Variants in CCAR1 observed in about 807,000 individuals in gnomAD.
CCAR1 encodes cell division cycle and apoptosis regulator protein 1.
Under a neutral mutation model 163.8 loss-of-function variants are expected in CCAR1, and 78 were observed. The ratio of observed to expected loss-of-function variants is 0.48; its 90% confidence interval spans 0.40 to 0.57. The LOEUF is 0.57. Ranked by LOEUF, CCAR1 falls within the 20% of genes least tolerant of loss-of-function variation. The pLI, the probability that CCAR1 is intolerant of heterozygous loss-of-function variation, is 0.00. For missense variants in CCAR1, 1,019 were observed against 1,365.2 expected, an observed-to-expected ratio of 0.75 and a Z score of 4.00; for synonymous variants, 443 against 460.7, an observed-to-expected ratio of 0.96 and a Z score of 0.49.
rs184334454 is a variant in CCAR1, at chr10:68,770,947, G to A, written c.2299-259G>A. Among the ~76,000 whole-genome samples, 386 of 151,934 alleles carry A rather than the reference G, an allele frequency of 2.5e-3. 2 individuals are homozygous for A. Among genetic ancestry groups the A allele is most frequent in the African/African-American group, 9.0e-3 (375 of 41,452 alleles). On this transcript the variant is annotated intron_variant, in intron 17 of 24. Coordinates refer to ENST00000265872, the MANE Select transcript of CCAR1 (RefSeq NM_018237.4). Reference sequence around the variant, plus strand: ...AAAAAAATTAGCCGGGCGTGGTGGCGGGCGCCTGTAGTCCCAGCTACTTAG... The same window carrying A: ...AAAAAAATTAGCCGGGCGTGGTGGCAGGCGCCTGTAGTCCCAGCTACTTAG...
Position 68,754,798 on chromosome 10 carries a change from G to C in CCAR1, c.1429G>C (p.Gly477Arg). The C allele has an allele frequency of 6.2e-7, 1 of 1,604,784 alleles. No homozygotes were observed. Among genetic ancestry groups the C allele is most frequent in the Non-Finnish European group, 8.5e-7 (1 of 1,171,624 alleles). Residue 477 changes from glycine to arginine, a missense_variant, in exon 12 of 25, where the codon GGA becomes CGA. By Grantham distance (125) the Gly-to-Arg change is moderately radical. Coordinates refer to ENST00000265872, the MANE Select transcript of CCAR1 (RefSeq NM_018237.4). ...LAEDPQELRD[G>R]FQHPARLVKF... ...TGAGGACCCACAAGAACTTCGAGATGGATTCCAACATCCTGCTAGACTTGT... is the reference window on the plus strand; with the variant it reads ...TGAGGACCCACAAGAACTTCGAGATCGATTCCAACATCCTGCTAGACTTGT...
intron 10 of CCAR1, among the ~76,000 whole-genome samples, chr10:68,752,830 C>T (rs2056348467): frequency 1.3e-5 from 2 of 151,952 alleles, no homozygotes; most frequent in Admixed American, 1.3e-4. Context: ...GAGTATGCCA[C>T]ACTGCACTCT....
intron 19 of CCAR1, among the ~76,000 whole-genome samples, chr10:68,785,908 A>G (rs886666831): frequency 6.6e-6 from 1 of 152,122 alleles, no homozygotes; most frequent in Non-Finnish European, 1.5e-5. Flanking sequence ...ATCAAGGTTC[A>G]TGTATGTTTT....
intron 10 of CCAR1, among the ~76,000 whole-genome samples, chr10:68,751,033 G>GT (rs11402292): frequency 0.057 from 8,021 of 141,476 alleles, 691 homozygotes; most frequent in African/African-American, 0.19. Context: ...TTTTGTTTTT[G>GT]TTTTTTTTTT....
In CCAR1 at chr10:68,786,168, G is replaced by A; in HGVS notation, c.2683G>A (p.Asp895Asn). The A allele has an allele frequency of 6.2e-7, 1 of 1,612,646 alleles. No individual in the cohort carries two copies. The highest frequency in any genetic ancestry group is 8.5e-7 in the Non-Finnish European group (1 of 1,179,094). The stretch of plus-strand genomic sequence containing the variant: ...TGAGGAAGAAATGACCAAACGAGAT[G>A]ACAAAAGAGATATCAACAGATACTG... ...RDEEEMTKRDDKRDINRYCKE... is the reference protein window; with the variant it reads ...RDEEEMTKRDNKRDINRYCKE... Residue 895 changes from aspartate to asparagine, a missense_variant, in exon 20 of 25, where the codon GAC (aspartate) becomes AAC (asparagine). By Grantham distance (23) the Asp-to-Asn change is conservative. Coordinates refer to ENST00000265872, the MANE Select transcript of CCAR1 (RefSeq NM_018237.4).
chr10:68,749,527 TGA>T lies in CCAR1; in HGVS notation c.973_974del (p.Glu325LysfsTer3), dbSNP rs147413396. 995 of 1,554,994 alleles carry T rather than the reference TGA, an allele frequency of 6.4e-4. No individual in the cohort carries two copies. Among genetic ancestry groups the T allele is most frequent in the South Asian group, 1.6e-3 (134 of 84,662 alleles). ...TTTTAGAAAAATTTGCTTTCAGTCGTGAGAGAGAGAGAGAAAGACGTAGATCG... is the reference window on the plus strand; with the variant it reads ...TTTTAGAAAAATTTGCTTTCAGTCGTGAGAGAGAGAGAAAGACGTAGATCG... ...VPNRKDDRSR[E>X]RERERRRSRE... On this transcript the variant is annotated frameshift_variant, in exon 10 of 25. Coordinates refer to ENST00000265872, the MANE Select transcript of CCAR1 (RefSeq NM_018237.4).
intron 15 of CCAR1, chr10:68,760,714 A>G (rs7900335): frequency 0.014 from 2,400 of 175,208 alleles, 75 homozygotes; most frequent in African/African-American, 0.054. Context: ...AAGTACAAAA[A>G]TTAGTTGGAT....
At chr10:68,735,371 CTTTTTTTT>C (rs34103994) in intron 2 of CCAR1, among the ~76,000 whole-genome samples, 1 of 115,420 alleles carries the variant, frequency 8.7e-6, no homozygotes. Flanking sequence ...CGTTTTTGTG[CTTTTTTTT>C]TTTTTTTTTT....
chr10:68,749,797 C>T (rs2056307418), intron 10 of CCAR1, 112 bp downstream of exon 10: 11 of 903,606 alleles, frequency 1.2e-5, no homozygotes, highest in Non-Finnish European at 1.9e-5. Context: ...AGTTAGTGTT[C>T]TTCATATAAG....
rs764902051 is a variant in CCAR1 at position 68,749,610 on chromosome 10, G to A, written c.1043G>A (p.Arg348Gln). 13 of 1,613,924 alleles carry A rather than the reference G, an allele frequency of 8.1e-6. No homozygotes were observed. The highest frequency in any genetic ancestry group is 5.0e-5 in the Admixed American group (3 of 60,002). Residue 348 changes from arginine (R) to glutamine (Q), a missense_variant, in exon 10 of 25, where the codon CGA becomes CAA. Arg to Gln is a conservative substitution (Grantham distance 43, BLOSUM62 1). This residue lies in a region of CCAR1 where 644 missense variants were observed against 904.4 expected (regional missense o/e 0.71). Coordinates refer to ENST00000265872, the MANE Select transcript of CCAR1 (RefSeq NM_018237.4). ...CGGGAAAGATCTCCACGAAGAGAGC[G>A]AGAGCGATCACCTCGGAGAGTTCGA... ...RSRERSPRRE[R>Q]ERSPRRVRRV... is the part of the protein sequence containing the mutation.
chr10:68,778,415 A>T (rs1202852943), intron 19 of CCAR1, among the ~76,000 whole-genome samples: 1 of 152,042 alleles, frequency 6.6e-6, no homozygotes, highest in Non-Finnish European at 1.5e-5. Flanking sequence ...AGTTTCTCAT[A>T]TATGAAGTCT....
At chr10:68,779,314 G>A (rs780670819) in intron 19 of CCAR1, among the ~76,000 whole-genome samples, 9 of 150,472 alleles carry the variant, frequency 6.0e-5, no homozygotes, top group African/African-American at 1.2e-4. Flanking sequence ...CTGGAGTGTC[G>A]TCGCGTGATC....
chr10:68,777,121 A>G (rs1207606294), intron 19 of CCAR1, among the ~76,000 whole-genome samples: 1 of 152,172 alleles, frequency 6.6e-6, no homozygotes, highest in Non-Finnish European at 1.5e-5. Context: ...CCGATCTATC[A>G]GGAAGTTATA....
intron 24 of CCAR1, among the ~76,000 whole-genome samples, chr10:68,790,736 C>T (rs572850012): frequency 1.3e-5 from 2 of 151,802 alleles, no homozygotes; most frequent in East Asian, 1.9e-4. Context: ...AGACCGGGCG[C>T]GGTGGCTCAT....
At chr10:68,740,883 TTTTATTTATTTA>T (rs754473259) in intron 5 of CCAR1, among the ~76,000 whole-genome samples, 2,839 of 144,870 alleles carry the variant, frequency 0.02, 83 homozygotes, top group African/African-American at 0.06. Context: ...TGAGGTTTTA[TTTTATTTATTTA>T]TTTATTTATT....
intron 16 of CCAR1, among the ~76,000 whole-genome samples, chr10:68,763,301 C>A (rs868135614): frequency 6.6e-6 from 1 of 152,016 alleles, no homozygotes; most frequent in South Asian, 2.1e-4. Flanking sequence ...CAGGCATGCA[C>A]CACCATGCCC....
rs549896201 is a variant in CCAR1 at position 68,773,822 on chromosome 10, C to G, written c.2650+723C>G. 2.6e-5 allele frequency among the ~76,000 whole-genome samples: 4 copies of G among 152,262 alleles called. No homozygotes were observed. In the East Asian group the frequency reaches 7.7e-4, roughly 29 times the overall value. On this transcript the variant is annotated intron_variant, in intron 19 of 24. Coordinates refer to ENST00000265872, the MANE Select transcript of CCAR1 (RefSeq NM_018237.4). ...AGCCTGCCAGGCTCAGTATGATCCT[C>G]TCACCTCAGTCCCTGGAGTAACTGG...
chr10:68,739,168 A>C (rs776878983), intron 4 of CCAR1, among the ~76,000 whole-genome samples: 1 of 152,098 alleles, frequency 6.6e-6, no homozygotes, highest in Non-Finnish European at 1.5e-5. Context: ...TTCTTTTTTG[A>C]GACTGAGTTT....
intron 19 of CCAR1, among the ~76,000 whole-genome samples, chr10:68,773,864 C>T (rs903735686): frequency 1.3e-5 from 2 of 151,960 alleles, no homozygotes; most frequent in Admixed American, 1.3e-4. Flanking sequence ...AGGTGCTTGC[C>T]ACCATTCCTG....
Sources: gnomAD v4.1 joint callset for allele counts (sites outside exome capture counted in the v4.1 genomes callset) on GRCh38, gnomAD v4.1.1 for gene constraint, gnomAD v4.1.1 regional missense constraint, MANE v1.5 for transcripts, NCBI Gene and HGNC (gene_info 2026-07-23, HGNC 2026-07-21) for gene names.